The following KCNU1 variants were observed in gnomAD, a reference collection of about 807,000 sequenced individuals.
KCNU1 encodes the protein potassium channel subfamily U member 1.
Under a neutral mutation model 126.8 loss-of-function variants are expected in KCNU1, and 93 were observed. That is an observed-to-expected ratio of 0.73 (90% confidence interval 0.62 to 0.87). The LOEUF (loss-of-function observed/expected upper bound fraction) is 0.87, where lower values mean the gene tolerates loss of function less well. KCNU1 is among the 40% of genes least tolerant of loss of function. The pLI is 0.00. For synonymous variants in KCNU1, 523 were observed against 494.2 expected, an observed-to-expected ratio of 1.06 and a Z score of -0.77; for missense variants, 1,330 against 1,367.1, an observed-to-expected ratio of 0.97 and a Z score of 0.43.
chr8:36,918,758 C>T, intron 22 of KCNU1, 65 bp from the exon 23 acceptor site: 1 of 952,462 alleles, frequency 1.0e-6, no homozygotes. Context: ...TTATATTCTT[C>T]TACATTTTTG....
intron 18 of KCNU1, among the ~76,000 whole-genome samples, chr8:36,855,116 C>T (rs1277427451): frequency 1.3e-5 from 2 of 152,074 alleles, no homozygotes; most frequent in South Asian, 4.1e-4. Context: ...GAGATGAGAG[C>T]TTTGGAACTT....
At chr8:36,926,894 C>T (rs1808552476) in intron 24 of KCNU1, among the ~76,000 whole-genome samples, 1 of 152,062 alleles carries the variant, frequency 6.6e-6, no homozygotes, top group Non-Finnish European at 1.5e-5. Context: ...AGGACAGGCT[C>T]CCTGAATGTA....
chr8:36,910,858 G>A (rs796272095), intron 21 of KCNU1, 72 bp from the exon 22 acceptor site: 1 of 1,088,118 alleles, frequency 9.2e-7, no homozygotes. Flanking sequence ...CTCACAAAGA[G>A]CCACCACCAT....
intron 16 of KCNU1, among the ~76,000 whole-genome samples, chr8:36,842,083 G>A (rs1054039895): frequency 1.3e-5 from 2 of 152,122 alleles, no homozygotes; most frequent in Non-Finnish European, 2.9e-5. Context: ...TGCTAAATAG[G>A]AATTAACAGA....
chr8:36,806,269 T>A lies in KCNU1; in HGVS notation c.469T>A (p.Phe157Ile). 6.2e-7 allele frequency: 1 copy of A among 1,600,128 alleles called. No individual in the cohort carries two copies. The highest frequency in any genetic ancestry group is 2.2e-5 in the East Asian group (1 of 44,594). Reference sequence around the variant, plus strand: ...GTGTTATTCTGTTTCTATTTCATAGTTTATGGCAGCTGATGACAAGATCAA... The same window carrying A: ...GTGTTATTCTGTTTCTATTTCATAGATTATGGCAGCTGATGACAAGATCAA... Reference protein sequence around the residue: ...AFFSFYFGLRFMAADDKIKFW... With the variant: ...AFFSFYFGLRIMAADDKIKFW... The change falls in exon 5 of 27, where the codon TTT (phenylalanine) becomes ATT (isoleucine). Residue 157 changes from phenylalanine (F) to isoleucine (I), a missense_variant and splice_region_variant. By Grantham distance (21) the Phe-to-Ile change is conservative. Coordinates refer to ENST00000399881, the MANE Select transcript of KCNU1 (RefSeq NM_001031836.3).
rs560871560 is a variant in KCNU1, at chr8:36,803,974, AT to A, written c.316-50del. On this transcript the variant is annotated intron_variant, in intron 2 of 26. Coordinates refer to ENST00000399881, the MANE Select transcript of KCNU1 (RefSeq NM_001031836.3). ...AGAGAAAACACACTTTTGTCGATTT[AT>A]TTAATGCAAATGAAGTGGATTTAGA... The A allele has an allele frequency of 2.6e-4, 317 of 1,222,810 alleles. 1 individual carries two copies. The Middle Eastern group carries it at 4.5e-3, about 17-fold the overall frequency. 75.7% of individuals were successfully genotyped at this position (1,222,810 alleles called of 1,614,324 possible).
intron 11 of KCNU1, among the ~76,000 whole-genome samples, chr8:36,834,315 A>T (rs1748118734): frequency 6.6e-6 from 1 of 152,214 alleles, no homozygotes; most frequent in South Asian, 2.1e-4. Flanking sequence ...TTAGTACTGT[A>T]AGAGCCATTT....
intron 25 of KCNU1, among the ~76,000 whole-genome samples, chr8:36,931,442 A>C (rs1808700850): frequency 6.6e-6 from 1 of 152,144 alleles, no homozygotes; most frequent in Admixed American, 6.6e-5. Flanking sequence ...AGGCCTGGCA[A>C]CTTTGTACCT....
At chr8:36,923,018 T>G (rs1280711134) in intron 24 of KCNU1, 1 of 460,524 alleles carries the variant, frequency 2.2e-6, no homozygotes, top group Non-Finnish European at 4.3e-6. Context: ...GATCCCAGTT[T>G]CAAGGAAGAA....
intron 7 of KCNU1, among the ~76,000 whole-genome samples, chr8:36,813,525 T>A (rs1803798312): frequency 6.7e-6 from 1 of 150,356 alleles, no homozygotes; most frequent in Admixed American, 6.6e-5. Context: ...ACACAATATT[T>A]TACATATATT....
chr8:36,860,569 T>A (rs900541645), intron 18 of KCNU1, among the ~76,000 whole-genome samples: 1 of 152,170 alleles, frequency 6.6e-6, no homozygotes, highest in African/African-American at 2.4e-5. Flanking sequence ...ACCTAGGATT[T>A]AAGAATAGTA....
chr8:36,805,309 G>T (rs1803457473), intron 4 of KCNU1, 24 bp downstream of exon 4: 2 of 1,396,784 alleles, frequency 1.4e-6, no homozygotes, highest in Admixed American at 3.8e-5. Flanking sequence ...GAAAGTGGGA[G>T]TGAATATCCA....
intron 19 of KCNU1, 44 bp from the exon 20 acceptor site, chr8:36,905,664 A>G: frequency 9.9e-7 from 1 of 1,006,936 alleles, no homozygotes; most frequent in Non-Finnish European, 1.6e-6. Flanking sequence ...GTTACAGAGG[A>G]GCTCCAAATA....
At chr8:36,841,099 C>A in intron 16 of KCNU1, 96 bp downstream of exon 16, 1 of 828,208 alleles carries the variant, frequency 1.2e-6, no homozygotes, top group Non-Finnish European at 1.9e-6. Flanking sequence ...AAAGATGCAG[C>A]TATAACTAAG....
intron 19 of KCNU1, among the ~76,000 whole-genome samples, chr8:36,882,776 T>C (rs1267990849): frequency 6.6e-6 from 1 of 152,004 alleles, no homozygotes; most frequent in Non-Finnish European, 1.5e-5. Flanking sequence ...AGAGATGGGG[T>C]TTCTCCATGT....
intron 19 of KCNU1, among the ~76,000 whole-genome samples, chr8:36,875,703 A>T (rs1806256037): frequency 6.6e-6 from 1 of 152,144 alleles, no homozygotes; most frequent in Admixed American, 6.5e-5. Flanking sequence ...GAGCACATTA[A>T]AATTTCTAGT....
At chr8:36,830,159 A>G (rs972956322) in intron 10 of KCNU1, among the ~76,000 whole-genome samples, 3 of 150,650 alleles carry the variant, frequency 2.0e-5, no homozygotes, top group South Asian at 2.1e-4. Flanking sequence ...AATATTTATA[A>G]TAAAACATAA....
intron 25 of KCNU1, among the ~76,000 whole-genome samples, chr8:36,932,673 C>T (rs1808735967): frequency 6.6e-6 from 1 of 152,062 alleles, no homozygotes; most frequent in Admixed American, 6.6e-5. Context: ...AGCACAACAA[C>T]ATGTCACACC....
At chr8:36,852,928 C>A (rs1355630170) in intron 18 of KCNU1, among the ~76,000 whole-genome samples, 1 of 151,870 alleles carries the variant, frequency 6.6e-6, no homozygotes, top group Non-Finnish European at 1.5e-5. Flanking sequence ...TATTTTCATT[C>A]TAATTTTTAT....
Sources: allele counts gnomAD v4.1 joint callset (sites outside exome capture counted in the v4.1 genomes callset), GRCh38; gene constraint gnomAD v4.1.1; transcripts MANE v1.5; gene names NCBI Gene and HGNC (gene_info 2026-07-23, HGNC 2026-07-21).